SP3: variants seen among roughly 807,000 people sequenced by gnomAD.
SP3 encodes the protein Sp3 transcription factor, also known as transcription factor Sp3.
In SP3, 10 loss-of-function variants were observed where a neutral mutation model predicts 70.3. That is an observed-to-expected ratio of 0.14 (90% confidence interval 0.09 to 0.24). The LOEUF is 0.24. Ranked by LOEUF, SP3 falls within the 10% of genes least tolerant of loss-of-function variation. The pLI, the probability that SP3 is intolerant of heterozygous loss-of-function variation, is 1.00. For missense variants in SP3, 825 were observed against 914.6 expected (o/e 0.90, Z 1.26); for synonymous variants, 402 against 333.5 (o/e 1.21, Z -2.24).
intron 4 of SP3, among the ~76,000 whole-genome samples, chr2:173,939,051 T>C (rs1465053116): frequency 6.6e-6 from 1 of 152,144 alleles, no homozygotes; most frequent in Non-Finnish European, 1.5e-5. Context: ...CAAAGAATCA[T>C]CAGGCCCAAA....
At chr2:173,927,391 C>T (rs1689945873) in intron 4 of SP3, among the ~76,000 whole-genome samples, 1 of 151,678 alleles carries the variant, frequency 6.6e-6, no homozygotes, top group African/African-American at 2.4e-5. Flanking sequence ...ATTCTCCTAT[C>T]TCAGCCTCCC....
At chr2:173,949,948 G>A (rs79396059) in intron 4 of SP3, among the ~76,000 whole-genome samples, 1 of 152,118 alleles carries the variant, frequency 6.6e-6, no homozygotes, top group Non-Finnish European at 1.5e-5. Context: ...CTTAAATTTG[G>A]GGGAAATTTT....
In SP3 at chr2:173,907,891, G is replaced by C. The variant is rs577951967; in HGVS notation, c.*2050C>G. On this transcript the variant is annotated 3_prime_UTR_variant, in exon 7 of 7. Coordinates refer to ENST00000310015, the MANE Select transcript of SP3 (RefSeq NM_003111.5). ...ATCACAGGCTTAAGTCTCACATTTAGAAAAACTGTCCATGTTTATGCGTGT... is the reference window on the plus strand; with the variant it reads ...ATCACAGGCTTAAGTCTCACATTTACAAAAACTGTCCATGTTTATGCGTGT... 1 of 152,162 alleles carries C rather than the reference G, an allele frequency of 6.6e-6. No homozygotes were observed. Among genetic ancestry groups the C allele is most frequent in the East Asian group, 1.9e-4 (1 of 5,190 alleles). 9.4% of individuals were successfully genotyped at this position (152,162 alleles called of 1,614,324 possible).
At chr2:173,963,094 T>G (rs1312947872) in intron 3 of SP3, 1 of 152,204 alleles carries the variant, frequency 6.6e-6, no homozygotes. Flanking sequence ...CACTGTTATA[T>G]TCAGTTTCAA....
At chr2:173,942,379 A>G (rs1690398105) in intron 4 of SP3, among the ~76,000 whole-genome samples, 2 of 152,212 alleles carry the variant, frequency 1.3e-5, no homozygotes. Context: ...CAGCCTGGCC[A>G]GCATGGTGAA....
At chr2:173,963,440 T>C (rs1691151737) in intron 3 of SP3, 1 of 152,462 alleles carries the variant, frequency 6.6e-6, no homozygotes, top group African/African-American at 2.4e-5. Flanking sequence ...CTTGAAAATT[T>C]TGTAGTGTTA....
At chr2:173,933,946 A>G (rs1373097047) in intron 4 of SP3, among the ~76,000 whole-genome samples, 4 of 150,412 alleles carry the variant, frequency 2.7e-5, no homozygotes, top group African/African-American at 9.8e-5. Flanking sequence ...AAAAGCGGAA[A>G]TAAGAGTTGG....
chr2:173,948,621 AAT>A (rs1476957491), intron 4 of SP3, among the ~76,000 whole-genome samples: 5 of 152,182 alleles, frequency 3.3e-5, no homozygotes, highest in African/African-American at 9.7e-5. Flanking sequence ...AATATTTTAA[AAT>A]ATATGACACT....
intron 3 of SP3, among the ~76,000 whole-genome samples, chr2:173,959,972 C>G (rs1681626714): frequency 6.6e-6 from 1 of 152,132 alleles, no homozygotes; most frequent in South Asian, 2.1e-4. Flanking sequence ...GAGTTCAAGA[C>G]CAGCCTAGGC....
intron 4 of SP3, among the ~76,000 whole-genome samples, chr2:173,927,572 C>G (rs112250768): frequency 6.6e-6 from 1 of 152,118 alleles, no homozygotes; most frequent in Non-Finnish European, 1.5e-5. Context: ...GCCACCCCAC[C>G]CGACCTATAT....
At position 173,905,030 on chromosome 2, in the gene SP3, AAATACAC is replaced by A. The variant is rs1184038653; in HGVS notation, c.*4904_*4910del. Among the ~76,000 whole-genome samples the A allele has an allele frequency of 2.6e-5, 4 of 152,328 alleles. No individual in the cohort carries two copies. Among genetic ancestry groups the A allele is most frequent in the African/African-American group, 9.6e-5 (4 of 41,574 alleles). ...ACACAGGGGTGTAATTTCCTCAAGAAAATACACATTTAGGTGCTTCAGTCTTTTCTTC... is the reference window on the plus strand; with the variant it reads ...ACACAGGGGTGTAATTTCCTCAAGAAATTTAGGTGCTTCAGTCTTTTCTTC... On this transcript the variant is annotated 3_prime_UTR_variant, in exon 7 of 7. Transcript: ENST00000310015.
In SP3 at chr2:173,956,087, G is replaced by C. The variant is rs1448762069; in HGVS notation, c.425C>G (p.Pro142Arg). The C allele has an allele frequency of 4.3e-6, 7 of 1,613,992 alleles. No individual in the cohort carries two copies. Among genetic ancestry groups the C allele is most frequent in the African/African-American group, 1.3e-5 (1 of 74,910 alleles). The change falls in exon 4 of 7, where the codon CCC (proline) becomes CGC (arginine). Residue 142 changes from proline to arginine, a missense_variant. Pro to Arg is a moderately radical substitution (Grantham distance 103). Around this residue, in one of 4 missense-constraint regions of SP3, gnomAD observed 678 missense variants for 651.6 expected, o/e 1.04. Transcript: ENST00000310015. The stretch of plus-strand genomic sequence containing the variant: ...TTGTTGATTCTGCAAATTCTGAAGG[G>C]GAAGAACATACTGCCCACTTGAAGT... ...AATSSGQYVL[P>R]LQNLQNQQIF...
intron 5 of SP3, among the ~76,000 whole-genome samples, chr2:173,917,367 G>T (rs921975117): frequency 2.0e-5 from 3 of 152,202 alleles, no homozygotes; most frequent in Non-Finnish European, 1.5e-5. Flanking sequence ...AGATGTAGAA[G>T]GAGAGTCACT....
At chr2:173,930,034 TCTAA>T (rs1488812424) in intron 4 of SP3, among the ~76,000 whole-genome samples, 21 of 152,160 alleles carry the variant, frequency 1.4e-4, no homozygotes. Context: ...TCTATTTCTC[TCTAA>T]CTATGGGTAC....
chr2:173,962,696 C>T (rs1691125253), intron 3 of SP3, among the ~76,000 whole-genome samples: 1 of 151,694 alleles, frequency 6.6e-6, no homozygotes, highest in Non-Finnish European at 1.5e-5. Flanking sequence ...TAGACTATAC[C>T]AAATACCAAA....
chr2:173,938,459 C>CA (rs747595137), intron 4 of SP3, among the ~76,000 whole-genome samples: 4,654 of 45,004 alleles, frequency 0.1, 266 homozygotes, highest in African/African-American at 0.18. Flanking sequence ...AACTTTGCCT[C>CA]AAAAAAAAAA....
chr2:173,931,506 G>A (rs983082316), intron 4 of SP3, among the ~76,000 whole-genome samples: 4 of 152,056 alleles, frequency 2.6e-5, no homozygotes, highest in Admixed American at 2.6e-4. Flanking sequence ...ATCATGCCCG[G>A]CTAATTTTTG....
At chr2:173,919,743 CCA>C (rs1375130576) in intron 4 of SP3, among the ~76,000 whole-genome samples, 1 of 152,074 alleles carries the variant, frequency 6.6e-6, no homozygotes, top group East Asian at 1.9e-4. Flanking sequence ...ACTGAAACTC[CCA>C]CAGTGATGGT....
chr2:173,965,242 G>T lies in SP3; in HGVS notation c.-71C>A. 6.5e-7 allele frequency: 1 copy of T among 1,531,956 alleles called. No homozygotes were observed. 94.9% of individuals were successfully genotyped at this position (1,531,956 alleles called of 1,614,324 possible). A position where few individuals can be genotyped will look rare whatever the true frequency, so the allele number is the denominator to read the frequency against. On this transcript the variant is annotated 5_prime_UTR_variant, in exon 1 of 7. Coordinates refer to ENST00000310015, the MANE Select transcript of SP3 (RefSeq NM_003111.5). ...ATGGTGAGGAGCGAAGGCGGCGGCG[G>T]CGGGAGAGGATGCGGGAAGCGGCGG...
Sources: gnomAD v4.1 joint callset for allele counts (sites outside exome capture counted in the v4.1 genomes callset) on GRCh38, gnomAD v4.1.1 for gene constraint, gnomAD v4.1.1 regional missense constraint, MANE v1.5 for transcripts, NCBI Gene and HGNC (gene_info 2026-07-23, HGNC 2026-07-21) for gene names.